Variants in SH3KBP1 observed in about 807,000 individuals in gnomAD.
SH3KBP1 encodes the protein SH3 domain-containing kinase-binding protein 1.
SH3KBP1 carries 8 observed loss-of-function variants against 50.1 expected under a neutral mutation model. That is an observed-to-expected ratio of 0.16 (90% CI 0.09 to 0.29). The LOEUF (loss-of-function observed/expected upper bound fraction) is 0.29, where lower values mean the gene tolerates loss of function less well. Ranked by LOEUF, SH3KBP1 falls within the 10% of genes least tolerant of loss-of-function variation. The pLI, the probability that SH3KBP1 is intolerant of heterozygous loss-of-function variation, is 1.00. For synonymous variants in SH3KBP1, 227 were observed against 218.6 expected (o/e 1.04, Z -0.34); for missense variants, 377 against 535.2 (o/e 0.70, Z 2.92).
intron 2 of SH3KBP1, among the ~76,000 whole-genome samples, chrX:19,825,175 G>A (rs1391384367): frequency 9.0e-6 from 1 of 111,591 alleles, no homozygotes; most frequent in Non-Finnish European, 1.9e-5. Flanking sequence ...TAATAATAAC[G>A]AAATATTTTC....
intron 6 of SH3KBP1, among the ~76,000 whole-genome samples, chrX:19,658,142 A>T (rs186553310): frequency 1.8e-5 from 2 of 111,622 alleles, no homozygotes; most frequent in Non-Finnish European, 3.8e-5. Flanking sequence ...GAATGGGTGG[A>T]AAAAAAAGTT....
intron 6 of SH3KBP1, among the ~76,000 whole-genome samples, chrX:19,652,419 A>G (rs2062151178): frequency 9.0e-6 from 1 of 111,186 alleles, no homozygotes; most frequent in Admixed American, 9.6e-5. Context: ...CTCAAGTTCC[A>G]TATCTATTAT....
intron 6 of SH3KBP1, among the ~76,000 whole-genome samples, chrX:19,681,507 T>A (rs1005527434): frequency 3.6e-5 from 4 of 112,281 alleles, no homozygotes; most frequent in Non-Finnish European, 7.5e-5. Context: ...ACAAAATAAG[T>A]GACATATATA....
At chrX:19,849,099 C>T (rs1380408277) in intron 1 of SH3KBP1, among the ~76,000 whole-genome samples, 1 of 110,423 alleles carries the variant, frequency 9.1e-6, no homozygotes, top group African/African-American at 3.3e-5. Context: ...CATGAGCCAC[C>T]GTGCCTGGCC....
chrX:19,790,862 T>G (rs1247758551), intron 2 of SH3KBP1, among the ~76,000 whole-genome samples: 1 of 111,326 alleles, frequency 9.0e-6, no homozygotes, highest in African/African-American at 3.3e-5. Flanking sequence ...CACAACCTCT[T>G]TAGTAATAAG....
chrX:19,663,079 C>G (rs573200880), intron 6 of SH3KBP1, among the ~76,000 whole-genome samples: 77 of 110,881 alleles, frequency 6.9e-4, no homozygotes, highest in Non-Finnish European at 8.9e-4. Context: ...AAATTAAATC[C>G]TCATTATCTG....
chrX:19,588,837 G>A lies in SH3KBP1; in HGVS notation c.1139-35C>T, dbSNP rs775349435. ...ATTGTTTAAAGAAAACAGATAGATC[G>A]AGTGTAAGTGACAGTACTTAGATGC... On this transcript the variant is annotated intron_variant, in intron 11 of 17. Transcript: ENST00000397821. 3.5e-5 allele frequency: 37 copies of A among 1,051,694 alleles called. No individual in the cohort carries two copies. In the African/African-American group the frequency reaches 6.0e-4, roughly 17 times the overall value. The allele number at this position is 1,051,694 out of a possible 1,213,427, so 86.7% of individuals were successfully genotyped here. A position where few individuals can be genotyped will look rare whatever the true frequency, so the allele number is the denominator to read the frequency against.
chrX:19,658,627 C>T (rs1038554623), intron 6 of SH3KBP1, among the ~76,000 whole-genome samples: 1 of 110,764 alleles, frequency 9.0e-6, no homozygotes, highest in Non-Finnish European at 1.9e-5. Flanking sequence ...TGCAGTGGCG[C>T]GATCTCAGCT....
chrX:19,750,640 G>T (rs913777871), intron 2 of SH3KBP1, among the ~76,000 whole-genome samples: 3 of 111,719 alleles, frequency 2.7e-5, no homozygotes, highest in Non-Finnish European at 5.6e-5. Context: ...AATATAAGTT[G>T]GGGGATGGTG....
chrX:19,696,530 G>A, intron 4 of SH3KBP1, among the ~76,000 whole-genome samples: 1 of 111,501 alleles, frequency 9.0e-6, no homozygotes, highest in Non-Finnish European at 1.9e-5. Flanking sequence ...ATGATATCTG[G>A]ATAAGGAGGG....
intron 1 of SH3KBP1, among the ~76,000 whole-genome samples, chrX:19,844,774 G>T (rs1257228326): frequency 8.9e-6 from 1 of 111,950 alleles, no homozygotes; most frequent in East Asian, 2.8e-4. Context: ...CTAACACACA[G>T]CTCTTTTAAG....
intron 2 of SH3KBP1, among the ~76,000 whole-genome samples, chrX:19,808,335 CT>C (rs201183949): frequency 9.2e-5 from 10 of 109,077 alleles, no homozygotes; most frequent in South Asian, 4.0e-4. Flanking sequence ...GCTTAAAGAC[CT>C]TTTTTTTTAG....
intron 7 of SH3KBP1, among the ~76,000 whole-genome samples, chrX:19,643,513 C>T (rs923023136): frequency 3.7e-5 from 4 of 107,558 alleles, no homozygotes; most frequent in Admixed American, 1.0e-4. Context: ...AGTGCTAGGA[C>T]GACAGCTGTG....
At chrX:19,617,347 T>C (rs1473139428) in intron 8 of SH3KBP1, among the ~76,000 whole-genome samples, 2 of 112,363 alleles carry the variant, frequency 1.8e-5, no homozygotes, top group African/African-American at 6.5e-5. Flanking sequence ...TACTCTATAA[T>C]AGCCGCAACC....
chrX:19,843,041 G>A (rs1401263509), intron 1 of SH3KBP1, among the ~76,000 whole-genome samples: 1 of 81,534 alleles, frequency 1.2e-5, no homozygotes, highest in African/African-American at 4.6e-5. Flanking sequence ...TTTTTGAGAC[G>A]GAGTCTTGCT....
intron 3 of SH3KBP1, among the ~76,000 whole-genome samples, chrX:19,721,475 C>A (rs1479078325): frequency 8.9e-6 from 1 of 112,122 alleles, no homozygotes; most frequent in Non-Finnish European, 1.9e-5. Context: ...ATGATCACCT[C>A]CTGACCCACT....
At chrX:19,608,121 G>A in intron 8 of SH3KBP1, 76 bp from the exon 9 acceptor site, 1 of 840,140 alleles carries the variant, frequency 1.2e-6, no homozygotes, top group East Asian at 3.3e-5. Flanking sequence ...CTCTTCAAGA[G>A]AATGGAGGCC....
chrX:19,564,555 CCT>C (rs763674493), intron 13 of SH3KBP1, among the ~76,000 whole-genome samples: 3 of 108,314 alleles, frequency 2.8e-5, no homozygotes, highest in Non-Finnish European at 5.8e-5. Context: ...TCTTCTCTCG[CCT>C]CTCTCTCTCT....
At position 19,535,181 on chromosome X, in the gene SH3KBP1, G is replaced by T; in HGVS notation, c.*1236C>A. The T allele has an allele frequency of 1.9e-5, 5 of 269,324 alleles. No homozygotes were observed. The highest frequency in any genetic ancestry group is 2.0e-5 in the Non-Finnish European group (3 of 153,437). 22.2% of individuals were successfully genotyped at this position (269,324 alleles called of 1,213,427 possible). A position where few individuals can be genotyped will look rare whatever the true frequency, so the allele number is the denominator to read the frequency against. On this transcript the variant is annotated 3_prime_UTR_variant, in exon 18 of 18. Coordinates refer to ENST00000397821, the MANE Select transcript of SH3KBP1 (RefSeq NM_031892.3). Reference sequence around the variant, plus strand: ...GGCTGAACTGTTCATGTACTACAAAGATAAAGCGGACAGGCAAACATCAGT... The same window carrying T: ...GGCTGAACTGTTCATGTACTACAAATATAAAGCGGACAGGCAAACATCAGT...
Sources: gnomAD v4.1 joint callset for allele counts (sites outside exome capture counted in the v4.1 genomes callset) on GRCh38, gnomAD v4.1.1 for gene constraint, MANE v1.5 for transcripts, NCBI Gene and HGNC (gene_info 2026-07-23, HGNC 2026-07-21) for gene names.